The following POU6F2 variants were observed in gnomAD, a reference collection of about 807,000 sequenced individuals.
POU6F2 encodes POU class 6 homeobox 2.
Under a neutral mutation model 71.3 loss-of-function variants are expected in POU6F2, and 31 were observed. The ratio of observed to expected loss-of-function variants is 0.43; its 90% CI spans 0.33 to 0.59. POU6F2 has a LOEUF of 0.59. Ranked by LOEUF, POU6F2 falls within the 20% of genes least tolerant of loss-of-function variation. The pLI is 0.04. For synonymous variants in POU6F2, 347 were observed against 355.7 expected (o/e 0.98, Z 0.27); for missense variants, 783 against 856.8 (o/e 0.91, Z 1.07).
Position 39,015,848 on chromosome 7 carries a change from T to G in POU6F2, c.105+37790T>G, listed in dbSNP as rs933991391. On this transcript the variant is annotated intron_variant, in intron 1 of 9. Transcript: ENST00000518318. The stretch of plus-strand genomic sequence containing the variant: ...ATATATAGATATATAATATATTATA[T>G]ATAGATATATATAATATATTATATA... Among the ~76,000 whole-genome samples, 6 of 50,426 alleles carry G rather than the reference T, an allele frequency of 1.2e-4. 1 individual carries two copies. The Admixed American group carries it at 2.4e-3, about 20-fold the overall frequency. The allele number at this position is 50,426 out of a possible 152,430, so 33.1% of individuals were successfully genotyped here. A position where few individuals can be genotyped will look rare whatever the true frequency, so the allele number is the denominator to read the frequency against.
intron 1 of POU6F2, among the ~76,000 whole-genome samples, chr7:39,024,587 T>C (rs981521750): frequency 3.3e-5 from 5 of 152,160 alleles, no homozygotes; most frequent in African/African-American, 1.2e-4. Flanking sequence ...TTGTGCCAGT[T>C]TTCAAAGGGA....
intron 1 of POU6F2, among the ~76,000 whole-genome samples, chr7:39,049,236 G>T (rs1399472963): frequency 6.6e-6 from 1 of 151,122 alleles, no homozygotes; most frequent in Non-Finnish European, 1.5e-5. Context: ...TTTTGTTTTT[G>T]GGTTTAGGTT....
intron 4 of POU6F2, among the ~76,000 whole-genome samples, chr7:39,282,613 T>C (rs922994092): frequency 6.6e-5 from 10 of 152,098 alleles, no homozygotes; most frequent in African/African-American, 2.2e-4. Context: ...TTTATTTTTG[T>C]GTTATCTATT....
intron 2 of POU6F2, among the ~76,000 whole-genome samples, chr7:39,201,327 C>T (rs1382727239): frequency 6.6e-6 from 1 of 152,124 alleles, no homozygotes; most frequent in Non-Finnish European, 1.5e-5. Context: ...CACCAAACGG[C>T]TTTTAATATC....
At chr7:39,113,609 T>G (rs1386915475) in intron 2 of POU6F2, among the ~76,000 whole-genome samples, 1 of 152,208 alleles carries the variant, frequency 6.6e-6, no homozygotes, top group Non-Finnish European at 1.5e-5. Context: ...ATCTGGAAAT[T>G]TGAAGAAGTC....
chr7:39,041,330 G>A (rs1462467638), intron 1 of POU6F2, among the ~76,000 whole-genome samples: 1 of 151,908 alleles, frequency 6.6e-6, no homozygotes, highest in Admixed American at 6.6e-5. Flanking sequence ...TGAGGTATTT[G>A]TGCAAGTCTT....
chr7:39,250,373 G>T (rs1385219545), intron 4 of POU6F2, among the ~76,000 whole-genome samples: 1 of 152,150 alleles, frequency 6.6e-6, no homozygotes, highest in African/African-American at 2.4e-5. Context: ...TGGCCCTAGA[G>T]ACTAAATAGT....
intron 4 of POU6F2, among the ~76,000 whole-genome samples, chr7:39,322,193 A>AGCAT (rs1305733994): frequency 1.3e-5 from 2 of 152,194 alleles, no homozygotes; most frequent in Non-Finnish European, 2.9e-5. Context: ...TTAGGGACAG[A>AGCAT]GCATGCAATT....
At chr7:39,172,416 T>C (rs944298863) in intron 2 of POU6F2, among the ~76,000 whole-genome samples, 1 of 152,152 alleles carries the variant, frequency 6.6e-6, no homozygotes, top group African/African-American at 2.4e-5. Flanking sequence ...GCTTATTCTA[T>C]AGGATTTATT....
At chr7:39,089,930 G>C (rs1303431419) in intron 2 of POU6F2, among the ~76,000 whole-genome samples, 1 of 151,748 alleles carries the variant, frequency 6.6e-6, no homozygotes, top group African/African-American at 2.4e-5. Flanking sequence ...GCTATCTTGG[G>C]TGGCTGTGTT....
At chr7:39,069,981 G>A (rs1280151947) in intron 1 of POU6F2, among the ~76,000 whole-genome samples, 2 of 152,076 alleles carry the variant, frequency 1.3e-5, no homozygotes, top group African/African-American at 2.4e-5. Flanking sequence ...TTAAGACTGC[G>A]CTGGGAGCTA....
chr7:39,009,499 C>A (rs1418454680), intron 1 of POU6F2, among the ~76,000 whole-genome samples: 1 of 151,576 alleles, frequency 6.6e-6, no homozygotes, highest in Non-Finnish European at 1.5e-5. Flanking sequence ...CTTTTCCTAA[C>A]TGAATACCCT....
At chr7:39,456,132 G>GA (rs1194429773) in intron 8 of POU6F2, among the ~76,000 whole-genome samples, 1 of 152,150 alleles carries the variant, frequency 6.6e-6, no homozygotes, top group African/African-American at 2.4e-5. Context: ...ACCCTCCATA[G>GA]AAACCTGAGA....
chr7:39,391,847 T>G (rs1167631620), intron 5 of POU6F2, among the ~76,000 whole-genome samples: 1 of 149,518 alleles, frequency 6.7e-6, no homozygotes, highest in African/African-American at 2.6e-5. Context: ...AAATCTATTA[T>G]AGATTTAAAG....
chr7:39,003,012 AT>A (rs1337115828), intron 1 of POU6F2, among the ~76,000 whole-genome samples: 2 of 152,224 alleles, frequency 1.3e-5, no homozygotes, highest in Non-Finnish European at 2.9e-5. Context: ...AGCCAACACA[AT>A]TTAGTTATCT....
intron 1 of POU6F2, among the ~76,000 whole-genome samples, chr7:38,988,345 A>G (rs1029628428): frequency 6.6e-6 from 1 of 152,126 alleles, no homozygotes; most frequent in African/African-American, 2.4e-5. Flanking sequence ...TAGTATTTTT[A>G]AAAAGCTTTA....
rs1788954623 is a variant in POU6F2 at position 39,002,970 on chromosome 7, C to CAT, written c.105+24913_105+24914dup. Among the ~76,000 whole-genome samples the CAT allele has an allele frequency of 2.0e-5, 3 of 152,212 alleles. No homozygotes were observed. The South Asian group carries it at 6.2e-4, about 31-fold the overall frequency. ...AGTTGCTGTTAGTTATACTAAGACT[C>CAT]ATTCATAATCTGTGGGACAGCACTT... On this transcript the variant is annotated intron_variant, in intron 1 of 9. Transcript: ENST00000518318.
intron 4 of POU6F2, among the ~76,000 whole-genome samples, chr7:39,219,849 G>A (rs1057042356): frequency 6.6e-6 from 1 of 151,988 alleles, no homozygotes; most frequent in African/African-American, 2.4e-5. Context: ...GAAATTCTTA[G>A]CAGAACATAT....
At chr7:38,999,250 A>G (rs1055960575) in intron 1 of POU6F2, among the ~76,000 whole-genome samples, 1 of 152,060 alleles carries the variant, frequency 6.6e-6, no homozygotes. Context: ...GTCCCACTGG[A>G]TACTTTTTTA....
Sources: allele counts gnomAD v4.1 joint callset (sites outside exome capture counted in the v4.1 genomes callset), GRCh38; gene constraint gnomAD v4.1.1; transcripts MANE v1.5; gene names NCBI Gene and HGNC (gene_info 2026-07-23, HGNC 2026-07-21).